CDH13: variants seen among roughly 807,000 people sequenced by gnomAD.
CDH13 encodes cadherin 13.
Under a neutral mutation model 63.8 loss-of-function variants are expected in CDH13, and 24 were observed. The ratio of observed to expected loss-of-function variants is 0.38; its 90% CI spans 0.27 to 0.53. The LOEUF (loss-of-function observed/expected upper bound fraction) is 0.53. Ranked by LOEUF, CDH13 falls within the 20% of genes least tolerant of loss-of-function variation. The pLI is 0.85. For missense variants in CDH13, 1,049 were observed against 903.1 expected, an observed-to-expected ratio of 1.16 and a Z score of -2.07; for synonymous variants, 503 against 355.3, an observed-to-expected ratio of 1.42 and a Z score of -4.67.
intron 2 of CDH13, among the ~76,000 whole-genome samples, chr16:83,025,849 C>CCTGGCT (rs1316142103): frequency 6.6e-6 from 1 of 152,132 alleles, no homozygotes; most frequent in Non-Finnish European, 1.5e-5. Context: ...GGTCCTGGTT[C>CCTGGCT]CTGGCTCTGT....
intron 6 of CDH13, among the ~76,000 whole-genome samples, chr16:83,417,952 C>G (rs1268908756): frequency 6.6e-6 from 1 of 152,124 alleles, no homozygotes. Flanking sequence ...TCCCCACCCC[C>G]TTAACATGGA....
At chr16:82,982,126 T>A (rs1001601170) in intron 2 of CDH13, among the ~76,000 whole-genome samples, 7 of 152,152 alleles carry the variant, frequency 4.6e-5, no homozygotes, top group African/African-American at 1.7e-4. Flanking sequence ...AGGAAAAAAA[T>A]TAATCTCAGT....
rs143108618 is a variant in CDH13 at position 83,222,278 on chromosome 16, A to C, written c.636+4781A>C. On this transcript the variant is annotated intron_variant, in intron 5 of 13. Coordinates refer to ENST00000567109, the MANE Select transcript of CDH13 (RefSeq NM_001257.5). ...TGAATTTGTGGTCAAGAATGTTGTC[A>C]TAAAATTGAAATACAACTGGCATTC... Among the ~76,000 whole-genome samples the C allele has an allele frequency of 2.6e-5, 4 of 152,314 alleles. No individual in the cohort carries two copies. In the East Asian group the frequency reaches 7.7e-4, roughly 29 times the overall value.
At chr16:83,224,231 A>C (rs1358162756) in intron 5 of CDH13, among the ~76,000 whole-genome samples, 1 of 152,156 alleles carries the variant, frequency 6.6e-6, no homozygotes, top group Non-Finnish European at 1.5e-5. Context: ...CACACACCAC[A>C]GTTTCTTTAT....
chr16:82,712,864 C>G (rs576611667), intron 1 of CDH13, among the ~76,000 whole-genome samples: 5 of 152,036 alleles, frequency 3.3e-5, no homozygotes, highest in Admixed American at 6.6e-5. Context: ...ATTAACTCTC[C>G]GCTCTCTGGG....
intron 6 of CDH13, among the ~76,000 whole-genome samples, chr16:83,406,420 C>CCT (rs1407298837): frequency 6.7e-6 from 1 of 149,140 alleles, no homozygotes; most frequent in African/African-American, 2.5e-5. Flanking sequence ...CTTTCTTTCC[C>CCT]CCCCCGCCTC....
intron 11 of CDH13, among the ~76,000 whole-genome samples, chr16:83,773,995 T>C (rs1387330536): frequency 6.6e-6 from 1 of 152,194 alleles, no homozygotes; most frequent in Admixed American, 6.5e-5. Context: ...CTCTGGGGTC[T>C]CATTTCTGCT....
chr16:83,256,140 C>T (rs1170325945), intron 5 of CDH13, among the ~76,000 whole-genome samples: 10 of 152,122 alleles, frequency 6.6e-5, no homozygotes, highest in Non-Finnish European at 1.3e-4. Flanking sequence ...CTGAAGTGAG[C>T]CTCCCACATT....
At chr16:83,039,389 C>T (rs1031225463) in intron 3 of CDH13, among the ~76,000 whole-genome samples, 3 of 152,198 alleles carry the variant, frequency 2.0e-5, no homozygotes, top group Admixed American at 6.5e-5. Context: ...GCGGAATTGT[C>T]ACCTTCTCCA....
chr16:82,728,670 T>G (rs1485195162), intron 1 of CDH13, among the ~76,000 whole-genome samples: 1 of 152,038 alleles, frequency 6.6e-6, no homozygotes, highest in African/African-American at 2.4e-5. Flanking sequence ...CTGATCAGGG[T>G]GGGGGTTGCT....
chr16:82,641,705 C>T (rs909309857), intron 1 of CDH13, among the ~76,000 whole-genome samples: 1 of 152,242 alleles, frequency 6.6e-6, no homozygotes, highest in African/African-American at 2.4e-5. Flanking sequence ...TACCCTCATT[C>T]ACGCATTCAG....
chr16:82,937,120 A>G (rs2042692925), intron 2 of CDH13, among the ~76,000 whole-genome samples: 1 of 152,164 alleles, frequency 6.6e-6, no homozygotes, highest in Admixed American at 6.5e-5. Flanking sequence ...ACTAGCATTA[A>G]ACTAAACCCA....
chr16:83,312,133 A>G (rs929832130), intron 5 of CDH13, among the ~76,000 whole-genome samples: 1 of 148,032 alleles, frequency 6.8e-6, no homozygotes, highest in African/African-American at 2.5e-5. Flanking sequence ...TATTGGTTGT[A>G]TTACAAGTTC....
intron 3 of CDH13, among the ~76,000 whole-genome samples, chr16:83,109,297 G>A (rs576308652): frequency 1.3e-5 from 2 of 152,162 alleles, no homozygotes; most frequent in South Asian, 4.1e-4. Context: ...AGTGCAGTAT[G>A]GTGGGAACCA....
chr16:83,137,800 G>C (rs547108283), intron 4 of CDH13, among the ~76,000 whole-genome samples: 1 of 152,258 alleles, frequency 6.6e-6, no homozygotes, highest in African/African-American at 2.4e-5. Flanking sequence ...ACTAGTCCAA[G>C]TTTTGAAGAG....
At chr16:83,637,055 C>G (rs1182910774) in intron 8 of CDH13, among the ~76,000 whole-genome samples, 1 of 152,120 alleles carries the variant, frequency 6.6e-6, no homozygotes, top group Admixed American at 6.5e-5. Context: ...ATTCATATGT[C>G]TTCTCTTGAG....
chr16:82,691,095 G>A (rs1340124903), intron 1 of CDH13, among the ~76,000 whole-genome samples: 1 of 152,180 alleles, frequency 6.6e-6, no homozygotes, highest in African/African-American at 2.4e-5. Context: ...GGGCATCTAT[G>A]GTGTACCAGG....
intron 8 of CDH13, among the ~76,000 whole-genome samples, chr16:83,658,375 C>T (rs1913087230): frequency 1.8e-5 from 1 of 55,982 alleles, no homozygotes; most frequent in African/African-American, 7.1e-5. Flanking sequence ...CCACCAGGTC[C>T]CGTATCCTCA....
intron 4 of CDH13, among the ~76,000 whole-genome samples, chr16:83,169,674 T>C (rs542773264): frequency 2.0e-5 from 3 of 152,212 alleles, no homozygotes; most frequent in African/African-American, 4.8e-5. Context: ...CCACTACTTA[T>C]TGTGGATATT....
Sources: gnomAD v4.1 joint callset for allele counts (sites outside exome capture counted in the v4.1 genomes callset) on GRCh38, gnomAD v4.1.1 for gene constraint, MANE v1.5 for transcripts, NCBI Gene and HGNC (gene_info 2026-07-23, HGNC 2026-07-21) for gene names.